Variants in SPAG1 observed in about 807,000 individuals in gnomAD.
SPAG1 encodes sperm-associated antigen 1.
In SPAG1, 69 loss-of-function variants were observed where a neutral mutation model predicts 100.5. That is an observed-to-expected ratio of 0.69 (90% CI 0.57 to 0.84). The LOEUF (loss-of-function observed/expected upper bound fraction) is 0.84. Among genes scored for constraint, SPAG1 ranks in the 40% least tolerant of loss-of-function variants. SPAG1 has a pLI of 0.00. For synonymous variants in SPAG1, 336 were observed against 411.6 expected, an observed-to-expected ratio of 0.82 and a Z score of 2.22; for missense variants, 955 against 1,133.1, an observed-to-expected ratio of 0.84 and a Z score of 2.26.
At position 100,177,845 on chromosome 8, in the gene SPAG1, A is replaced by T. The variant is rs755903487; in HGVS notation, c.330A>T (p.Glu110Asp). Residue 110 changes from glutamate (E) to aspartate (D), a missense_variant, in exon 4 of 19, where the codon GAA becomes GAT. Transcript: ENST00000388798. ...KSWVSEIKKEEDKMHFHETET... is the reference protein window; with the variant it reads ...KSWVSEIKKEDDKMHFHETET... ...GGGTATCAGAAATTAAAAAAGAAGA[A>T]GATAAAATGCACTTTCATGAAACTG... is the stretch of plus-strand genomic sequence containing the variant. 2 of 1,559,878 alleles carry T rather than the reference A, an allele frequency of 1.3e-6. No individual in the cohort carries two copies. The highest frequency in any genetic ancestry group is 1.8e-6 in the Non-Finnish European group (2 of 1,131,344).
At chr8:100,236,676 G>A (rs927989124) in intron 16 of SPAG1, among the ~76,000 whole-genome samples, 3 of 152,096 alleles carry the variant, frequency 2.0e-5, no homozygotes, top group African/African-American at 7.2e-5. Flanking sequence ...TTTCTTTAAT[G>A]TACAGCTGTT....
At chr8:100,223,666 C>A (rs892644430) in intron 13 of SPAG1, among the ~76,000 whole-genome samples, 1 of 151,048 alleles carries the variant, frequency 6.6e-6, no homozygotes, top group Non-Finnish European at 1.5e-5. Context: ...CTCCAGGAAT[C>A]TTATATGTTA....
At chr8:100,160,913 T>A (rs1426898071) in intron 1 of SPAG1, among the ~76,000 whole-genome samples, 9 of 152,176 alleles carry the variant, frequency 5.9e-5, no homozygotes, top group Admixed American at 2.6e-4. Flanking sequence ...AAGTGAAGAT[T>A]AAGTGAGGTA....
At chr8:100,171,499 G>A (rs980283876) in intron 3 of SPAG1, among the ~76,000 whole-genome samples, 3 of 152,144 alleles carry the variant, frequency 2.0e-5, no homozygotes, top group Admixed American at 1.3e-4. Flanking sequence ...GATTTTAACT[G>A]TGAATTCAAT....
intron 10 of SPAG1, among the ~76,000 whole-genome samples, chr8:100,211,582 C>T (rs1340470554): frequency 6.6e-6 from 1 of 152,152 alleles, no homozygotes; most frequent in Non-Finnish European, 1.5e-5. Context: ...TTGCCTGCCC[C>T]AGAGGTTGAG....
chr8:100,216,203 T>A (rs1817981004), intron 12 of SPAG1, among the ~76,000 whole-genome samples: 1 of 152,180 alleles, frequency 6.6e-6, no homozygotes, highest in South Asian at 2.1e-4. Flanking sequence ...CCATGTGAAT[T>A]TGTTGGATAC....
chr8:100,201,541 A>G (rs1563792087), intron 10 of SPAG1, among the ~76,000 whole-genome samples: 1 of 152,120 alleles, frequency 6.6e-6, no homozygotes, highest in Non-Finnish European at 1.5e-5. Context: ...GGTATTACAT[A>G]TGTGTGTGTG....
At chr8:100,190,666 T>C (rs953966979) in intron 8 of SPAG1, among the ~76,000 whole-genome samples, 19 of 143,000 alleles carry the variant, frequency 1.3e-4, no homozygotes, top group African/African-American at 4.4e-4. Context: ...TTTTTTTCTT[T>C]TTTTTTTTTT....
intron 9 of SPAG1, among the ~76,000 whole-genome samples, chr8:100,192,064 C>T (rs958283599): frequency 1.4e-4 from 21 of 152,154 alleles, no homozygotes; most frequent in African/African-American, 5.1e-4. Context: ...ATGAGCTTCA[C>T]GTTCATGTCA....
chr8:100,207,664 A>G (rs765554705), intron 10 of SPAG1, among the ~76,000 whole-genome samples: 31 of 152,312 alleles, frequency 2.0e-4, no homozygotes, highest in Non-Finnish European at 4.0e-4. Flanking sequence ...ACTTGGAAGA[A>G]GCACCCAATG....
At chr8:100,209,446 GA>G (rs1817632904) in intron 10 of SPAG1, among the ~76,000 whole-genome samples, 1 of 147,842 alleles carries the variant, frequency 6.8e-6, no homozygotes, top group Non-Finnish European at 1.5e-5. Flanking sequence ...AAAAGAAGAA[GA>G]AAAGAGAGTC....
At chr8:100,212,933 A>G (rs1817777922) in intron 10 of SPAG1, among the ~76,000 whole-genome samples, 157 bp from the exon 11 acceptor site, 1 of 151,988 alleles carries the variant, frequency 6.6e-6, no homozygotes, top group South Asian at 2.1e-4. Context: ...CTGGCTCTAG[A>G]GGTCCGGCAG....
chr8:100,178,389 T>C (rs866440544), intron 4 of SPAG1, among the ~76,000 whole-genome samples: 1 of 152,108 alleles, frequency 6.6e-6, no homozygotes, highest in African/African-American at 2.4e-5. Context: ...ATGTCATTCC[T>C]CTGTTTAGTG....
In SPAG1 at chr8:100,237,965, AT is replaced by A. The variant is rs2132439816; in HGVS notation, c.2116-1273del. Among the ~76,000 whole-genome samples the A allele has an allele frequency of 2.0e-5, 3 of 152,242 alleles. No individual in the cohort carries two copies. In the South Asian group the frequency reaches 6.2e-4, roughly 32 times the overall value. ...CCATGTAATCATCCACCTTCTGGTC[AT>A]TGCTGTTGTGACCATCCCATTCTTC... On this transcript the variant is annotated intron_variant, in intron 16 of 18. Transcript: ENST00000388798.
rs568208019 is a variant in SPAG1 at position 100,218,486 on chromosome 8, TTAAAC to T, written c.1536-1789_1536-1785del. Among the ~76,000 whole-genome samples the T allele has an allele frequency of 1.7e-3, 263 of 152,326 alleles. 1 individual carries two copies. Among genetic ancestry groups the T allele is most frequent in the African/African-American group, 6.2e-3 (257 of 41,578 alleles). On this transcript the variant is annotated intron_variant, in intron 12 of 18. Coordinates refer to ENST00000388798, the MANE Select transcript of SPAG1 (RefSeq NM_003114.5). Reference sequence around the variant, plus strand: ...TCATAGAGTTAATATTACCTAAACATTAAACTAAGCTAAATTTAAGGCAGTGGTAC... The same window carrying T: ...TCATAGAGTTAATATTACCTAAACATTAAGCTAAATTTAAGGCAGTGGTAC...
chr8:100,176,841 C>CTCCTCTCCTCTCCTA (rs1816146910), intron 3 of SPAG1, among the ~76,000 whole-genome samples: 1 of 147,046 alleles, frequency 6.8e-6, no homozygotes, highest in South Asian at 2.2e-4. Flanking sequence ...CTCCTCTCCT[C>CTCCTCTCCTCTCCTA]TTCTCTCTCC....
intron 10 of SPAG1, chr8:100,194,639 T>G: frequency 2.5e-6 from 1 of 396,602 alleles, no homozygotes; most frequent in Non-Finnish European, 4.4e-6. Flanking sequence ...AAAACAGGTA[T>G]GGGTAGCCCC....
At chr8:100,178,053 A>C in intron 4 of SPAG1, 112 bp downstream of exon 4, 1 of 750,628 alleles carries the variant, frequency 1.3e-6, no homozygotes, top group Non-Finnish European at 2.1e-6. Flanking sequence ...CTCTAGGAGA[A>C]TTGGGGAGTT....
intron 1 of SPAG1, among the ~76,000 whole-genome samples, chr8:100,160,540 T>G (rs1815259753): frequency 6.7e-6 from 1 of 150,266 alleles, no homozygotes; most frequent in Non-Finnish European, 1.5e-5. Flanking sequence ...AGCAGGAGAA[T>G]CGCTTGAACC....
Sources: allele counts gnomAD v4.1 joint callset (sites outside exome capture counted in the v4.1 genomes callset), GRCh38; gene constraint gnomAD v4.1.1; transcripts MANE v1.5; gene names NCBI Gene and HGNC (gene_info 2026-07-23, HGNC 2026-07-21).